ZNF670: variants seen among roughly 807,000 people sequenced by gnomAD.
ZNF670 encodes the protein zinc finger protein 670.
In ZNF670, 7 loss-of-function variants were observed where a neutral mutation model predicts 10.9. The observed-to-expected ratio is 0.64, with a 90% CI of 0.36 to 1.20. The LOEUF (loss-of-function observed/expected upper bound fraction) is 1.20. Among genes scored for constraint, ZNF670 ranks in the 50% most tolerant of loss-of-function variants. The pLI, the probability that ZNF670 is intolerant of heterozygous loss-of-function variation, is 0.02. For synonymous variants in ZNF670, 136 were observed against 152.7 expected (o/e 0.89, Z 0.81); for missense variants, 446 against 458.6 (o/e 0.97, Z 0.25).
chr1:247,078,557 T>C, intron 1 of ZNF670, 37 bp downstream of exon 1: 1 of 1,611,696 alleles, frequency 6.2e-7, no homozygotes, highest in Non-Finnish European at 8.5e-7. Flanking sequence ...GGCGGTTCCC[T>C]TTTCCCCTTC....
intron 1 of ZNF670, chr1:247,043,792 C>T (rs1023132263): frequency 6.2e-5 from 23 of 368,724 alleles, no homozygotes; most frequent in African/African-American, 3.0e-4. Flanking sequence ...GAAACTGGAT[C>T]GGTTTGATCC....
At chr1:247,072,204 G>T (rs1255708723) in intron 1 of ZNF670, among the ~76,000 whole-genome samples, 1 of 151,398 alleles carries the variant, frequency 6.6e-6, no homozygotes, top group African/African-American at 2.4e-5. Context: ...AGGCTAAAGT[G>T]CAATGGTGCA....
At chr1:247,074,222 C>A (rs1441248386) in intron 1 of ZNF670, among the ~76,000 whole-genome samples, 1 of 152,054 alleles carries the variant, frequency 6.6e-6, no homozygotes, top group African/African-American at 2.4e-5. Context: ...GTGGTCAGAA[C>A]AAAATACTTG....
chr1:247,076,490 T>G (rs1671257091), intron 1 of ZNF670, among the ~76,000 whole-genome samples: 1 of 152,036 alleles, frequency 6.6e-6, no homozygotes, highest in Non-Finnish European at 1.5e-5. Flanking sequence ...TCTCCTGACC[T>G]CGTGATCCGC....
chr1:247,066,946 C>T (rs1386787709), intron 1 of ZNF670, among the ~76,000 whole-genome samples: 2 of 152,154 alleles, frequency 1.3e-5, no homozygotes, highest in East Asian at 3.8e-4. Flanking sequence ...GAAGCCCCCA[C>T]TCTGACTTGT....
chr1:247,039,173 C>T (rs571262563), intron 2 of ZNF670, among the ~76,000 whole-genome samples: 2 of 150,674 alleles, frequency 1.3e-5, no homozygotes, highest in African/African-American at 4.9e-5. Flanking sequence ...ATTAACCTGT[C>T]TCAGGCTCCC....
intron 1 of ZNF670, among the ~76,000 whole-genome samples, chr1:247,074,498 A>T (rs1264108242): frequency 1.3e-5 from 2 of 151,946 alleles, no homozygotes; most frequent in East Asian, 3.9e-4. Context: ...GTTTTTCCTC[A>T]TTGCAATACT....
intron 1 of ZNF670, among the ~76,000 whole-genome samples, chr1:247,059,271 C>A (rs1335998988): frequency 1.3e-5 from 2 of 151,410 alleles, no homozygotes; most frequent in Non-Finnish European, 2.9e-5. Flanking sequence ...GAAACCCTGT[C>A]TCTACTAAAA....
Position 247,035,502 on chromosome 1 carries a change from G to A in ZNF670, c.*1947C>T, listed in dbSNP as rs1670128577. Among the ~76,000 whole-genome samples the A allele has an allele frequency of 6.6e-6, 1 of 152,170 alleles. No individual in the cohort carries two copies. Among genetic ancestry groups the A allele is most frequent in the Non-Finnish European group, 1.5e-5 (1 of 68,024 alleles). ...GTGGAATGGTAGGCAACTGAAATATGTTAGGCTACAGACTGATAAGATCAA... is the reference window on the plus strand; with the variant it reads ...GTGGAATGGTAGGCAACTGAAATATATTAGGCTACAGACTGATAAGATCAA... On this transcript the variant is annotated 3_prime_UTR_variant, in exon 4 of 4. Transcript: ENST00000366503.
At chr1:247,078,333 A>C (rs1459713301) in intron 1 of ZNF670, among the ~76,000 whole-genome samples, 1 of 152,190 alleles carries the variant, frequency 6.6e-6, no homozygotes. Flanking sequence ...TCCCGTCGGC[A>C]CCGCACGATC....
chr1:247,059,994 T>C (rs913251489), intron 1 of ZNF670, among the ~76,000 whole-genome samples: 2 of 152,144 alleles, frequency 1.3e-5, no homozygotes, highest in Non-Finnish European at 2.9e-5. Flanking sequence ...TCTGAATAAA[T>C]GGAGAGATAT....
intron 1 of ZNF670, among the ~76,000 whole-genome samples, chr1:247,075,729 GA>G (rs1383249311): frequency 1.3e-5 from 2 of 152,224 alleles, no homozygotes; most frequent in Non-Finnish European, 2.9e-5. Context: ...CAGCCATGTG[GA>G]AATATAAGTC....
rs1558350968 is a variant in ZNF670, at chr1:247,078,785, C to G, written c.-189G>C. 1.6e-6 allele frequency: 1 copy of G among 623,858 alleles called. No individual in the cohort carries two copies. 38.6% of individuals were successfully genotyped at this position (623,858 alleles called of 1,614,324 possible). ...GCCGCGCCAGGTCCCGGAAGCTGCT[C>G]CCTCCTTTCGCGGCGCGCTTGAGAG... On this transcript the variant is annotated 5_prime_UTR_variant, in exon 1 of 4. Coordinates refer to ENST00000366503, the MANE Select transcript of ZNF670 (RefSeq NM_033213.5).
intron 1 of ZNF670, among the ~76,000 whole-genome samples, chr1:247,060,414 C>G (rs6663885): frequency 0.029 from 4,385 of 152,240 alleles, 225 homozygotes; most frequent in African/African-American, 0.1. Flanking sequence ...GACATCCATA[C>G]GCAAGGAAAT....
At chr1:247,041,769 T>A (rs905034845) in intron 1 of ZNF670, among the ~76,000 whole-genome samples, 2 of 152,218 alleles carry the variant, frequency 1.3e-5, no homozygotes, top group African/African-American at 4.8e-5. Context: ...GACGGCTGAA[T>A]TAAATGGTCC....
chr1:247,045,077 G>C (rs74155746), intron 1 of ZNF670, among the ~76,000 whole-genome samples: 1,983 of 152,216 alleles, frequency 0.013, 41 homozygotes, highest in African/African-American at 0.046. Context: ...CCAAATTAGA[G>C]AGACAGAGAG....
At chr1:247,050,751 G>A (rs1670572891) in intron 1 of ZNF670, among the ~76,000 whole-genome samples, 2 of 151,936 alleles carry the variant, frequency 1.3e-5, no homozygotes, top group African/African-American at 4.8e-5. Context: ...TGGGATTACA[G>A]GCATGAGCCA....
At chr1:247,069,854 A>G (rs10924903) in intron 1 of ZNF670, among the ~76,000 whole-genome samples, 39,166 of 152,106 alleles carry the variant, frequency 0.26, 5,990 homozygotes, top group African/African-American at 0.42. Flanking sequence ...AAGTGTAGTC[A>G]GGGGGACTAG....
chr1:247,054,797 A>T (rs1372750159), intron 1 of ZNF670, among the ~76,000 whole-genome samples: 4 of 152,086 alleles, frequency 2.6e-5, no homozygotes, highest in Non-Finnish European at 5.9e-5. Flanking sequence ...GGAAACTTTG[A>T]GCTATGCTTG....
Sources: gnomAD v4.1 joint callset for allele counts (sites outside exome capture counted in the v4.1 genomes callset) on GRCh38, gnomAD v4.1.1 for gene constraint, MANE v1.5 for transcripts, NCBI Gene and HGNC (gene_info 2026-07-23, HGNC 2026-07-21) for gene names.